The following HM13 variants were observed in gnomAD, a reference collection of about 807,000 sequenced individuals.
HM13 encodes histocompatibility minor 13.
Under a neutral mutation model 50.0 loss-of-function variants are expected in HM13, and 18 were observed. The ratio of observed to expected loss-of-function variants is 0.36; its 90% CI spans 0.25 to 0.53. HM13 has a LOEUF of 0.53. HM13 is among the 20% of genes least tolerant of loss of function. The probability of loss-of-function intolerance (pLI) is 0.90; values close to 1 mark genes in which losing one functional copy is unlikely to be tolerated. For synonymous variants in HM13, 197 were observed against 232.6 expected (o/e 0.85, Z 1.39); for missense variants, 393 against 552.4 (o/e 0.71, Z 2.89).
intron 1 of HM13, among the ~76,000 whole-genome samples, chr20:31,520,867 A>G (rs1460953722): frequency 6.6e-6 from 1 of 152,166 alleles, no homozygotes; most frequent in African/African-American, 2.4e-5. Context: ...ATGGCCCATG[A>G]ATTTCAGATC....
rs574333241 is a variant in HM13, at chr20:31,525,434, CCTT to C, written c.184-2044_184-2042del. Among the ~76,000 whole-genome samples, 192 of 152,200 alleles carry C rather than the reference CCTT, an allele frequency of 1.3e-3. 1 individual carries two copies. Among genetic ancestry groups the C allele is most frequent in the African/African-American group, 4.4e-3 (184 of 41,528 alleles). ...TGAGTCTCCATAACTGAATGTGATC[CCTT>C]CTTCTAGGGATGCTGGTGCTTTACT... On this transcript the variant is annotated intron_variant, in intron 1 of 12. Coordinates refer to ENST00000398174, the MANE Select transcript of HM13 (RefSeq NM_178581.3).
At chr20:31,521,229 T>C (rs951440347) in intron 1 of HM13, among the ~76,000 whole-genome samples, 1 of 152,202 alleles carries the variant, frequency 6.6e-6, no homozygotes, top group Admixed American at 6.5e-5. Context: ...GCTTCCCAAG[T>C]ATCTTCCTGT....
chr20:31,525,307 C>G (rs1197934638), intron 1 of HM13, among the ~76,000 whole-genome samples: 1 of 152,174 alleles, frequency 6.6e-6, no homozygotes, highest in Non-Finnish European at 1.5e-5. Context: ...TGCAACCTTC[C>G]ACCTGGGACA....
chr20:31,547,748 T>G (rs1844626958), intron 4 of HM13: 1 of 1,016,990 alleles, frequency 9.8e-7, no homozygotes, highest in Non-Finnish European at 1.5e-6. Context: ...TGTCCAACTC[T>G]AAGGTTGCTT....
intron 3 of HM13, 87 bp from the exon 4 acceptor site, chr20:31,544,860 G>A: frequency 1.0e-6 from 1 of 994,836 alleles, no homozygotes; most frequent in Non-Finnish European, 1.6e-6. Flanking sequence ...AGCTGTAAGG[G>A]TGCCAGCTGT....
chr20:31,548,958 C>T lies in HM13; in HGVS notation c.455-71C>T, dbSNP rs113271290. On this transcript the variant is annotated intron_variant, in intron 4 of 12. Transcript: ENST00000398174. ...CAGTGCCCACAGCCATGCCCTCCTC[C>T]GTCCAGGGGCTGACAGGTGGGAGGG... The T allele has an allele frequency of 7.8e-4, 1,053 of 1,345,580 alleles. 4 individuals are homozygous for T. The African/African-American group carries it at 9.0e-3, about 11-fold the overall frequency. The allele number at this position is 1,345,580 out of a possible 1,614,324, so 83.4% of individuals were successfully genotyped here.
chr20:31,549,142 G>C (rs761792186), intron 5 of HM13, 28 bp downstream of exon 5: 1 of 1,613,910 alleles, frequency 6.2e-7, no homozygotes, highest in Admixed American at 1.7e-5. Flanking sequence ...GGGCAGAAGG[G>C]GAGGATGGGG....
chr20:31,517,587 AG>A (rs1981874593), intron 1 of HM13, among the ~76,000 whole-genome samples: 1 of 152,000 alleles, frequency 6.6e-6, no homozygotes, highest in African/African-American at 2.4e-5. Context: ...GGCCTCCTGG[AG>A]GGGGCAGCAG....
At chr20:31,539,125 G>T (rs1983289170) in intron 3 of HM13, 3 of 985,472 alleles carry the variant, frequency 3.0e-6, no homozygotes, top group Non-Finnish European at 3.6e-6. Flanking sequence ...TGGGGAGAGT[G>T]GTTCATTAGA....
rs1276769488 is a variant in HM13, at chr20:31,549,424, G to A, written c.666+92G>A. 31 of 1,540,204 alleles carry A rather than the reference G, an allele frequency of 2.0e-5. No individual in the cohort carries two copies. In the East Asian group the frequency reaches 2.3e-4, roughly 11 times the overall value. On this transcript the variant is annotated intron_variant, in intron 6 of 12. Transcript: ENST00000398174. ...CTGGCCCAAGTTGCAGTCATCTGACGGAGAAGAGCTGTTTTGGGCTGAAGT... is the reference window on the plus strand; with the variant it reads ...CTGGCCCAAGTTGCAGTCATCTGACAGAGAAGAGCTGTTTTGGGCTGAAGT...
chr20:31,533,490 G>A (rs1391442755), intron 2 of HM13, among the ~76,000 whole-genome samples: 1 of 152,234 alleles, frequency 6.6e-6, no homozygotes, highest in Non-Finnish European at 1.5e-5. Context: ...GGGTGACAGA[G>A]TGAGACTTCG....
At chr20:31,558,426 G>A (rs935013463) in intron 8 of HM13, among the ~76,000 whole-genome samples, 1 of 152,112 alleles carries the variant, frequency 6.6e-6, no homozygotes, top group Non-Finnish European at 1.5e-5. Flanking sequence ...CATGGTCCTC[G>A]GGGCCCTGCA....
chr20:31,568,374 T>C, intron 12 of HM13, 150 bp downstream of exon 12: 2 of 1,163,344 alleles, frequency 1.7e-6, no homozygotes, highest in Non-Finnish European at 2.3e-6. Flanking sequence ...CAGGCAGTGG[T>C]TGCACCGAGC....
At position 31,539,518 on chromosome 20, in the gene HM13, C is replaced by T. The variant is rs529149397; in HGVS notation, c.365+1257C>T. ...AAAAGCATTGAAAGCCAATATGAGG[C>T]CAGGTGGTGGCTCATGCCTGTAATC... On this transcript the variant is annotated intron_variant, in intron 3 of 12. Coordinates refer to ENST00000398174, the MANE Select transcript of HM13 (RefSeq NM_178581.3). 1.1e-5 allele frequency: 11 copies of T among 985,318 alleles called. No homozygotes were observed. The South Asian group carries it at 3.8e-4, about 34-fold the overall frequency. 61.0% of individuals were successfully genotyped at this position (985,318 alleles called of 1,614,324 possible).
chr20:31,544,477 G>A (rs1372251200), intron 3 of HM13, among the ~76,000 whole-genome samples: 4 of 152,222 alleles, frequency 2.6e-5, no homozygotes, highest in African/African-American at 4.8e-5. Flanking sequence ...CAGTCCTGCT[G>A]TTGGAAAGCA....
chr20:31,554,391 A>G (rs1237253685), intron 7 of HM13, among the ~76,000 whole-genome samples: 2 of 151,504 alleles, frequency 1.3e-5, no homozygotes, highest in East Asian at 1.9e-4. Context: ...AAAAAAAAAA[A>G]TACAAAGTAG....
chr20:31,540,191 G>C (rs939493311), intron 3 of HM13: 1 of 152,236 alleles, frequency 6.6e-6, no homozygotes, highest in Admixed American at 6.5e-5. Flanking sequence ...GCTAGCTTGG[G>C]AGAATTCTAG....
In HM13 at chr20:31,556,145, TCTCCTGCCTCAGCCTCCCAAGTAGCTGG is replaced by T. The variant is rs1441264512; in HGVS notation, c.808+1317_808+1344del. ...CTCCCTGGTTCAAGCGATTCTCGATTCTCCTGCCTCAGCCTCCCAAGTAGCTGGGATTATAGGCATGCACCACCACGCC... is the reference window on the plus strand; with the variant it reads ...CTCCCTGGTTCAAGCGATTCTCGATTGATTATAGGCATGCACCACCACGCC... On this transcript the variant is annotated intron_variant, in intron 8 of 12. Coordinates refer to ENST00000398174, the MANE Select transcript of HM13 (RefSeq NM_178581.3). 8.7e-4 allele frequency among the ~76,000 whole-genome samples: 132 copies of T among 151,868 alleles called. 2 individuals carry two copies. The highest frequency in any genetic ancestry group is 3.1e-3 in the African/African-American group (128 of 41,426).
chr20:31,531,200 A>G (rs1982796018), intron 2 of HM13, among the ~76,000 whole-genome samples: 1 of 151,980 alleles, frequency 6.6e-6, no homozygotes, highest in African/African-American at 2.4e-5. Flanking sequence ...GTGTGCCACC[A>G]TGCCCAGCTA....
Sources: gnomAD v4.1 joint callset for allele counts (sites outside exome capture counted in the v4.1 genomes callset) on GRCh38, gnomAD v4.1.1 for gene constraint, MANE v1.5 for transcripts, NCBI Gene and HGNC (gene_info 2026-07-23, HGNC 2026-07-21) for gene names.